The following ALDH1B1 variants were observed in gnomAD, a reference collection of about 807,000 sequenced individuals.
ALDH1B1 encodes the protein aldehyde dehydrogenase family 1 member B1, mitochondrial.
A neutral mutation model predicts 26.2 loss-of-function variants in ALDH1B1; 19 were observed. That is an observed-to-expected ratio of 0.72 (90% CI 0.51 to 1.06). The LOEUF (loss-of-function observed/expected upper bound fraction) is 1.06. Ranked by LOEUF, ALDH1B1 falls within the 50% of genes least tolerant of loss-of-function variation. The pLI, the probability that ALDH1B1 is intolerant of heterozygous loss-of-function variation, is 0.00. For synonymous variants in ALDH1B1, 249 were observed against 286.0 expected (o/e 0.87, Z 1.31); for missense variants, 671 against 683.1 (o/e 0.98, Z 0.20).
At position 38,398,369 on chromosome 9, in the gene ALDH1B1, C is replaced by CAGTG. The variant is rs987215070; in HGVS notation, c.*1068_*1071dup. The stretch of plus-strand genomic sequence containing the variant: ...TCACTCTGTCGCCCAGGCTGGAGTG[C>CAGTG]AGTGGTGTGATCTCGTCTCACTGCA... On this transcript the variant is annotated 3_prime_UTR_variant, in exon 2 of 2. Transcript: ENST00000377698. 10 of 145,554 alleles carry CAGTG rather than the reference C, an allele frequency of 6.9e-5. No individual in the cohort carries two copies. Among genetic ancestry groups the CAGTG allele is most frequent in the African/African-American group, 2.7e-4 (10 of 37,042 alleles). The allele number at this position is 145,554 out of a possible 1,614,324, so 9.0% of individuals were successfully genotyped here.
Position 38,397,006 on chromosome 9 carries a change from C to T in ALDH1B1, c.1258C>T (p.Pro420Ser). The change falls in exon 2 of 2, where the codon CCT becomes TCT. Residue 420 changes from proline (P) to serine (S), a missense_variant. Transcript: ENST00000377698. Reference protein sequence around the residue: ...MRIAKEEIFGPVQPLFKFKKI... With the variant: ...MRIAKEEIFGSVQPLFKFKKI... ...AATTGCCAAAGAGGAGATCTTTGGG[C>T]CTGTGCAGCCCCTGTTCAAGTTCAA... is the stretch of plus-strand genomic sequence containing the variant. 1.9e-6 allele frequency: 3 copies of T among 1,614,064 alleles called. No individual in the cohort carries two copies. The highest frequency in any genetic ancestry group is 2.5e-6 in the Non-Finnish European group (3 of 1,179,988).
At chr9:38,393,295 G>C (rs531641474) in intron 1 of ALDH1B1, among the ~76,000 whole-genome samples, 14 of 152,298 alleles carry the variant, frequency 9.2e-5, no homozygotes, top group African/African-American at 3.1e-4. Flanking sequence ...GTGTGTCCTC[G>C]GTGAGTCCCT....
At position 38,392,743 on chromosome 9, in the gene ALDH1B1, A is replaced by G. The variant is rs1046624494; in HGVS notation, c.-74A>G. ...GCCAGCCCTGGGCGGCCATGTGGAC[A>G]GAGCTGGGAGGGCCGGAACCAGAAC... On this transcript the variant is annotated 5_prime_UTR_variant, in exon 1 of 2. Coordinates refer to ENST00000377698, the MANE Select transcript of ALDH1B1 (RefSeq NM_000692.5). The G allele has an allele frequency of 2.0e-5, 20 of 985,556 alleles. No individual in the cohort carries two copies. Among genetic ancestry groups the G allele is most frequent in the Admixed American group, 6.1e-5 (1 of 16,286 alleles). 61.1% of individuals were successfully genotyped at this position (985,556 alleles called of 1,614,324 possible). A position where few individuals can be genotyped will look rare whatever the true frequency, so the allele number is the denominator to read the frequency against.
At position 38,396,867 on chromosome 9, in the gene ALDH1B1, C is replaced by T. The variant is rs1395957270; in HGVS notation, c.1119C>T (p.Tyr373=). The change falls in exon 2 of 2, where the codon TAC becomes TAT. Residue 373 remains tyrosine (Y), a synonymous_variant. Coordinates refer to ENST00000377698, the MANE Select transcript of ALDH1B1 (RefSeq NM_000692.5). The part of the protein sequence containing the change: ...DKEQFERVLG[Y]IQLGQKEGAK... ...AGCAGTTTGAACGAGTCCTAGGCTA[C>T]ATCCAGCTTGGCCAGAAGGAGGGCG... The T allele has an allele frequency of 6.2e-7, 1 of 1,614,240 alleles. No individual in the cohort carries two copies. Among genetic ancestry groups the T allele is most frequent in the East Asian group, 2.2e-5 (1 of 44,874 alleles).
rs760534675 is a variant in ALDH1B1, at chr9:38,397,117, A to C, written c.1369A>C (p.Met457Leu). Reference sequence around the variant, plus strand: ...GTTCACCCGGGATCTGGACAAGGCCATGTACTTCACCCAGGCACTCCAGGC... The same window carrying C: ...GTTCACCCGGGATCTGGACAAGGCCCTGTACTTCACCCAGGCACTCCAGGC... ...AVFTRDLDKA[M>L]YFTQALQAGT... The change falls in exon 2 of 2, where the codon ATG becomes CTG. Residue 457 changes from methionine (M) to leucine (L), a missense_variant. By Grantham distance (15) the Met-to-Leu change is conservative. Coordinates refer to ENST00000377698, the MANE Select transcript of ALDH1B1 (RefSeq NM_000692.5). 3 of 1,614,192 alleles carry C rather than the reference A, an allele frequency of 1.9e-6. No homozygotes were observed. In the Admixed American group the frequency reaches 5.0e-5, roughly 27 times the overall value.
intron 1 of ALDH1B1, among the ~76,000 whole-genome samples, chr9:38,394,813 ACT>A (rs1198960829): frequency 2.6e-5 from 4 of 151,934 alleles, no homozygotes; most frequent in South Asian, 2.1e-4. Flanking sequence ...GGAACACTAC[ACT>A]CTGTTTAATT....
chr9:38,395,811 G>A lies in ALDH1B1; in HGVS notation c.63G>A (p.Ser21=), dbSNP rs745820096. ...SLQGRTARYS[S]AAALPSPILN... ...AGGGCAGGACCGCCCGCTACTCCTC[G>A]GCAGCAGCCCTCCCAAGCCCCATTC... is the stretch of plus-strand genomic sequence containing the variant. Residue 21 remains serine, a synonymous_variant, in exon 2 of 2, where the codon TCG becomes TCA. Transcript: ENST00000377698. The A allele has an allele frequency of 1.4e-5, 23 of 1,612,484 alleles. No individual in the cohort carries two copies. The highest frequency in any genetic ancestry group is 2.2e-5 in the East Asian group (1 of 44,890).
At chr9:38,392,856 T>C (rs1821216229) in intron 1 of ALDH1B1, 49 bp downstream of exon 1, 2 of 985,862 alleles carry the variant, frequency 2.0e-6, no homozygotes, top group African/African-American at 1.7e-5. Flanking sequence ...CCGCAGCTCC[T>C]GGCTCCGCGT....
rs41278335 is a variant in ALDH1B1, at chr9:38,397,086, G to A, written c.1338G>A (p.Ala446=). ...RANNTRYGLA[A]AVFTRDLDKA... ...ACAACACCAGGTATGGCCTGGCTGC[G>A]GCTGTGTTCACCCGGGATCTGGACA... is the stretch of plus-strand genomic sequence containing the variant. The change falls in exon 2 of 2, where the codon GCG becomes GCA. Residue 446 remains alanine (A), a synonymous_variant. Coordinates refer to ENST00000377698, the MANE Select transcript of ALDH1B1 (RefSeq NM_000692.5). 6.6e-3 allele frequency: 10,695 copies of A among 1,614,186 alleles called. 48 individuals are homozygous for A. Among genetic ancestry groups the A allele is most frequent in the Non-Finnish European group, 8.3e-3 (9,849 of 1,180,038 alleles).
At position 38,396,053 on chromosome 9, in the gene ALDH1B1, G is replaced by A. The variant is rs781160886; in HGVS notation, c.305G>A (p.Gly102Asp). The A allele has an allele frequency of 3.7e-6, 6 of 1,613,878 alleles. No homozygotes were observed. The highest frequency in any genetic ancestry group is 1.7e-5 in the Admixed American group (1 of 60,010). ...PWRRMDASERGRLLNRLADLV... is the reference protein window; with the variant it reads ...PWRRMDASERDRLLNRLADLV... ...CGCCGGATGGATGCCTCTGAGCGGG[G>A]CCGGCTGCTGAACCGCCTGGCAGAC... Residue 102 changes from glycine (G) to aspartate (D), a missense_variant, in exon 2 of 2, where the codon GGC (glycine) becomes GAC (aspartate). Gly to Asp is a moderately conservative substitution (Grantham distance 94). Transcript: ENST00000377698.
chr9:38,397,327 C>CA lies in ALDH1B1; in HGVS notation c.*26dup. 1 of 1,583,714 alleles carries CA rather than the reference C, an allele frequency of 6.3e-7. No individual in the cohort carries two copies. The highest frequency in any genetic ancestry group is 8.6e-7 in the Non-Finnish European group (1 of 1,162,928). ...AGAGCAGCTGTCAGGGAGGCCCAGT[C>CA]ACAGTCCAGCAATTCCACAACCACC... On this transcript the variant is annotated 3_prime_UTR_variant, in exon 2 of 2. Coordinates refer to ENST00000377698, the MANE Select transcript of ALDH1B1 (RefSeq NM_000692.5).
chr9:38,394,165 C>T (rs1205746279), intron 1 of ALDH1B1, among the ~76,000 whole-genome samples: 2 of 152,200 alleles, frequency 1.3e-5, no homozygotes, highest in Non-Finnish European at 2.9e-5. Flanking sequence ...AAGGAGGCAT[C>T]CCTCTGCGCA....
At chr9:38,393,742 G>C (rs954169005) in intron 1 of ALDH1B1, among the ~76,000 whole-genome samples, 2 of 152,108 alleles carry the variant, frequency 1.3e-5, no homozygotes, top group Non-Finnish European at 2.9e-5. Context: ...TGCTGACTCA[G>C]CTTCCCCCTG....
intron 1 of ALDH1B1, among the ~76,000 whole-genome samples, chr9:38,393,047 C>T (rs183710605): frequency 2.6e-5 from 4 of 152,358 alleles, no homozygotes; most frequent in Non-Finnish European, 4.4e-5. Context: ...AACACTCCTG[C>T]CCACTCGGCC....
Position 38,397,386 on chromosome 9 carries a change from A to T in ALDH1B1, c.*84A>T, listed in dbSNP as rs1821316700. 2.7e-6 allele frequency: 4 copies of T among 1,455,414 alleles called. No individual in the cohort carries two copies. The Admixed American group carries it at 1.1e-4, about 38-fold the overall frequency. The allele number at this position is 1,455,414 out of a possible 1,614,324, so 90.2% of individuals were successfully genotyped here. On this transcript the variant is annotated 3_prime_UTR_variant, in exon 2 of 2. Coordinates refer to ENST00000377698, the MANE Select transcript of ALDH1B1 (RefSeq NM_000692.5). The stretch of plus-strand genomic sequence containing the variant: ...TGCTTGCCAAGCTGTTTTAAAGCCA[A>T]GAACACCCTTTCTTTGTTCCAAATT...
intron 1 of ALDH1B1, chr9:38,394,493 A>T (rs1468856139): frequency 4.9e-6 from 3 of 616,316 alleles, no homozygotes; most frequent in Non-Finnish European, 6.1e-6. Context: ...GGTTCTTGCT[A>T]TGTGCTCAGG....
chr9:38,392,927 A>G (rs1029674195), intron 1 of ALDH1B1, 120 bp downstream of exon 1: 3 of 983,196 alleles, frequency 3.1e-6, no homozygotes, highest in Non-Finnish European at 3.6e-6. Context: ...CCGCCGTTGC[A>G]CTGTAGGACT....
rs183158462 is a variant in ALDH1B1, at chr9:38,395,673, G to A, written c.-9-67G>A. 271 of 1,507,614 alleles carry A rather than the reference G, an allele frequency of 1.8e-4. No homozygotes were observed. The African/African-American group carries it at 3.0e-3, about 17-fold the overall frequency. The allele number at this position is 1,507,614 out of a possible 1,614,324, so 93.4% of individuals were successfully genotyped here. A position where few individuals can be genotyped will look rare whatever the true frequency, so the allele number is the denominator to read the frequency against. ...GGAATCTTGAAATGTTTGAGCTGGT[G>A]GGCCCTTGGGTACCGCCACCTGCCT... On this transcript the variant is annotated intron_variant, in intron 1 of 1. Transcript: ENST00000377698.
rs1821278295 is a variant in ALDH1B1 at position 38,396,152 on chromosome 9, A to G, written c.404A>G (p.Tyr135Cys). The G allele has an allele frequency of 6.2e-7, 1 of 1,614,186 alleles. No homozygotes were observed. Among genetic ancestry groups the G allele is most frequent in the African/African-American group, 1.3e-5 (1 of 75,042 alleles). ...LDNGKPFQES[Y>C]ALDLDEVIKV... ...AATGGGAAGCCTTTCCAAGAGTCTT[A>G]CGCCTTGGACTTGGATGAGGTCATC... Residue 135 changes from tyrosine (Y) to cysteine (C), a missense_variant, in exon 2 of 2, where the codon TAC (tyrosine) becomes TGC (cysteine). Tyr to Cys is a radical substitution (Grantham distance 194). Coordinates refer to ENST00000377698, the MANE Select transcript of ALDH1B1 (RefSeq NM_000692.5).
Sources: gnomAD v4.1 joint callset for allele counts (sites outside exome capture counted in the v4.1 genomes callset) on GRCh38, gnomAD v4.1.1 for gene constraint, MANE v1.5 for transcripts, NCBI Gene and HGNC (gene_info 2026-07-23, HGNC 2026-07-21) for gene names.